FBXO25: variants seen among roughly 807,000 people sequenced by gnomAD.
FBXO25 encodes F-box only protein 25.
Under a neutral mutation model 51.9 loss-of-function variants are expected in FBXO25, and 45 were observed. That is an observed-to-expected ratio of 0.87 (90% CI 0.68 to 1.11). The LOEUF (loss-of-function observed/expected upper bound fraction) is 1.11, where lower values mean the gene tolerates loss of function less well. Among genes scored for constraint, FBXO25 ranks in the 50% most tolerant of loss-of-function variants. The probability of loss-of-function intolerance (pLI) is 0.00; values close to 1 mark genes in which losing one functional copy is unlikely to be tolerated. For missense variants in FBXO25, 507 were observed against 428.5 expected, an observed-to-expected ratio of 1.18 and a Z score of -1.62; for synonymous variants, 199 against 151.0, an observed-to-expected ratio of 1.32 and a Z score of -2.33.
intron 9 of FBXO25, chr8:468,042 C>T: frequency 7.9e-7 from 1 of 1,272,416 alleles, no homozygotes; most frequent in Non-Finnish European, 1.0e-6. Flanking sequence ...CAGGGCATGC[C>T]ATGGAGAGAT....
At chr8:410,266 G>A (rs1340579248) in intron 1 of FBXO25, among the ~76,000 whole-genome samples, 1 of 152,136 alleles carries the variant, frequency 6.6e-6, no homozygotes, top group African/African-American at 2.4e-5. Flanking sequence ...TATGGAATTT[G>A]TGTGTGTTTT....
At chr8:439,619 G>A (rs887616754) in intron 5 of FBXO25, among the ~76,000 whole-genome samples, 3 of 152,266 alleles carry the variant, frequency 2.0e-5, no homozygotes, top group South Asian at 2.1e-4. Flanking sequence ...AGATGTAGGC[G>A]AAGAGTCGGT....
At chr8:446,409 G>C (rs192785212) in intron 5 of FBXO25, among the ~76,000 whole-genome samples, 45 of 152,340 alleles carry the variant, frequency 3.0e-4, no homozygotes, top group African/African-American at 1.0e-3. Flanking sequence ...TATCTGGGGA[G>C]GCTTTGGTTA....
chr8:437,140 A>G (rs1798149836), intron 5 of FBXO25, among the ~76,000 whole-genome samples: 1 of 152,182 alleles, frequency 6.6e-6, no homozygotes, highest in South Asian at 2.1e-4. Flanking sequence ...TTCTAAACAG[A>G]AATACCTACT....
intron 5 of FBXO25, among the ~76,000 whole-genome samples, chr8:444,440 GTTTTA>G (rs1798615777): frequency 6.6e-6 from 1 of 152,144 alleles, no homozygotes; most frequent in Admixed American, 6.5e-5. Context: ...TTGGATTCTA[GTTTTA>G]TTATATTACC....
intron 7 of FBXO25, among the ~76,000 whole-genome samples, chr8:456,273 AG>A (rs1799423573): frequency 2.6e-5 from 4 of 152,142 alleles, no homozygotes; most frequent in African/African-American, 9.7e-5. Flanking sequence ...GCAGTGGTTC[AG>A]TCATAGCTCA....
At chr8:467,350 C>G (rs1800237761) in intron 9 of FBXO25, among the ~76,000 whole-genome samples, 1 of 152,190 alleles carries the variant, frequency 6.6e-6, no homozygotes, top group South Asian at 2.1e-4. Flanking sequence ...CCAAAAAAAT[C>G]TGTTATAAAG....
At chr8:431,990 T>G (rs1356392380) in intron 3 of FBXO25, among the ~76,000 whole-genome samples, 1 of 152,170 alleles carries the variant, frequency 6.6e-6, no homozygotes, top group African/African-American at 2.4e-5. Flanking sequence ...TACCAAACCT[T>G]ATGGATACTA....
intron 2 of FBXO25, among the ~76,000 whole-genome samples, chr8:416,014 CAT>C (rs1184043423): frequency 4.6e-5 from 7 of 152,322 alleles, no homozygotes; most frequent in Admixed American, 2.0e-4. Context: ...TGTAGTCAAA[CAT>C]AACGCATTCA....
intron 5 of FBXO25, among the ~76,000 whole-genome samples, chr8:446,258 C>T (rs535939412): frequency 6.6e-6 from 1 of 152,128 alleles, no homozygotes; most frequent in South Asian, 2.1e-4. Context: ...AGAACTCTCT[C>T]TCCCAGACTC....
rs962816739 is a variant in FBXO25, at chr8:469,745, C to G, written c.*941C>G. 6.6e-6 allele frequency: 1 copy of G among 152,156 alleles called. No homozygotes were observed. The highest frequency in any genetic ancestry group is 2.4e-5 in the African/African-American group (1 of 41,428). 9.4% of individuals were successfully genotyped at this position (152,156 alleles called of 1,614,324 possible). A position where few individuals can be genotyped will look rare whatever the true frequency, so the allele number is the denominator to read the frequency against. The stretch of plus-strand genomic sequence containing the variant: ...TGCTGAAAAGAGTATGAAAAATCCC[C>G]TCAGCAGGCATAGGATAGAAACGTA... On this transcript the variant is annotated 3_prime_UTR_variant, in exon 10 of 10. Transcript: ENST00000350302.
chr8:443,642 G>A lies in FBXO25; in HGVS notation c.382-6348G>A, dbSNP rs1356144824. ...CTGGTTCCTAAGCCTGAAGTGGAGG[G>A]CATGTTTTAATCCAGCCTGCATGAG... On this transcript the variant is annotated intron_variant, in intron 5 of 9. Transcript: ENST00000350302. 4.4e-3 allele frequency among the ~76,000 whole-genome samples: 636 copies of A among 144,566 alleles called. 1 individual carries two copies. Among genetic ancestry groups the A allele is most frequent in the African/African-American group, 0.011 (441 of 38,904 alleles). The allele number at this position is 144,566 out of a possible 152,430, so 94.8% of individuals were successfully genotyped here.
At chr8:453,090 A>G (rs1163546659) in intron 7 of FBXO25, among the ~76,000 whole-genome samples, 1 of 152,226 alleles carries the variant, frequency 6.6e-6, no homozygotes, top group Non-Finnish European at 1.5e-5. Flanking sequence ...CTTACGTGGC[A>G]ATACCTCTCT....
At chr8:461,134 C>G (rs981323808) in intron 8 of FBXO25, among the ~76,000 whole-genome samples, 1 of 152,168 alleles carries the variant, frequency 6.6e-6, no homozygotes, top group Non-Finnish European at 1.5e-5. Context: ...ATTTCGCTAG[C>G]TCTGCACTGG....
chr8:465,645 C>T (rs1184405372), intron 9 of FBXO25, among the ~76,000 whole-genome samples: 3 of 152,110 alleles, frequency 2.0e-5, no homozygotes, highest in African/African-American at 7.2e-5. Context: ...TCATCTGTTT[C>T]ATTTACACAG....
chr8:442,093 T>C (rs1798459728), intron 5 of FBXO25, among the ~76,000 whole-genome samples: 1 of 152,148 alleles, frequency 6.6e-6, no homozygotes, highest in South Asian at 2.1e-4. Flanking sequence ...CAGGCTTTTG[T>C]TTGCTCTGGT....
chr8:452,000 G>T (rs1799129924), intron 7 of FBXO25, among the ~76,000 whole-genome samples: 1 of 152,160 alleles, frequency 6.6e-6, no homozygotes, highest in African/African-American at 2.4e-5. Context: ...TTTAGATAGT[G>T]TTTTATTTAA....
rs1353157331 is a variant in FBXO25 at position 473,631 on chromosome 8, G to C, written c.*4827G>C. 1.3e-5 allele frequency: 2 copies of C among 152,210 alleles called. No homozygotes were observed. The highest frequency in any genetic ancestry group is 4.8e-5 in the African/African-American group (2 of 41,432). The allele number at this position is 152,210 out of a possible 1,614,324, so 9.4% of individuals were successfully genotyped here. On this transcript the variant is annotated 3_prime_UTR_variant, in exon 10 of 10. Transcript: ENST00000350302. ...ACAGAGATGCCCAGAGCACCAGCTG[G>C]AGGGGCAAGCAGGAGAAGGCACTGC...
Position 476,969 on chromosome 8 carries a change from G to A in FBXO25, c.*8165G>A, listed in dbSNP as rs1036759008. The A allele has an allele frequency of 2.1e-5, 3 of 146,316 alleles. No individual in the cohort carries two copies. The highest frequency in any genetic ancestry group is 8.0e-5 in the African/African-American group (3 of 37,444). The allele number at this position is 146,316 out of a possible 1,614,324, so 9.1% of individuals were successfully genotyped here. A position where few individuals can be genotyped will look rare whatever the true frequency, so the allele number is the denominator to read the frequency against. Reference sequence around the variant, plus strand: ...TTTCCCTCCTACCACTGCTTTGACTGTACCTGTTTTTTTGTATATTACATT... The same window carrying A: ...TTTCCCTCCTACCACTGCTTTGACTATACCTGTTTTTTTGTATATTACATT... On this transcript the variant is annotated 3_prime_UTR_variant, in exon 10 of 10. Transcript: ENST00000350302.
Sources: gnomAD v4.1 joint callset for allele counts (sites outside exome capture counted in the v4.1 genomes callset) on GRCh38, gnomAD v4.1.1 for gene constraint, MANE v1.5 for transcripts, NCBI Gene and HGNC (gene_info 2026-07-23, HGNC 2026-07-21) for gene names.